ALCAM: variants seen among roughly 807,000 people sequenced by gnomAD.
ALCAM encodes CD166 antigen.
Under a neutral mutation model 70.9 loss-of-function variants are expected in ALCAM, and 30 were observed. The ratio of observed to expected loss-of-function variants is 0.42; its 90% confidence interval spans 0.32 to 0.57. The LOEUF (loss-of-function observed/expected upper bound fraction) is 0.57. ALCAM is among the 20% of genes least tolerant of loss of function. The pLI is 0.11. For missense variants in ALCAM, 591 were observed against 695.1 expected (o/e 0.85, Z 1.68); for synonymous variants, 249 against 242.5 (o/e 1.03, Z -0.25).
At chr3:105,423,968 A>G (rs1284719306) in intron 1 of ALCAM, among the ~76,000 whole-genome samples, 2 of 151,586 alleles carry the variant, frequency 1.3e-5, no homozygotes, top group African/African-American at 4.8e-5. Flanking sequence ...GTATATTTTC[A>G]TTAACATTTC....
chr3:105,374,609 C>T (rs1243568736), intron 1 of ALCAM, among the ~76,000 whole-genome samples: 3 of 152,054 alleles, frequency 2.0e-5, no homozygotes, highest in Admixed American at 6.5e-5. Flanking sequence ...CTCTGCCTCC[C>T]GAGTTCAAGC....
At chr3:105,461,290 T>C (rs28588542) in intron 1 of ALCAM, among the ~76,000 whole-genome samples, 58,287 of 151,554 alleles carry the variant, frequency 0.38, 11,748 homozygotes, top group East Asian at 0.52. Context: ...TTTTGTTCGT[T>C]CAATGTCACA....
At chr3:105,400,576 A>C (rs1464059758) in intron 1 of ALCAM, among the ~76,000 whole-genome samples, 5 of 152,184 alleles carry the variant, frequency 3.3e-5, no homozygotes, top group Non-Finnish European at 7.3e-5. Context: ...AATTTTTAAC[A>C]TTTTTTAGTC....
chr3:105,370,802 G>A (rs1003089686), intron 1 of ALCAM, among the ~76,000 whole-genome samples: 2 of 151,760 alleles, frequency 1.3e-5, no homozygotes, highest in Non-Finnish European at 2.9e-5. Flanking sequence ...AGTAAGAAAG[G>A]ATAGTAGGCC....
intron 1 of ALCAM, among the ~76,000 whole-genome samples, chr3:105,392,209 T>G (rs1935840799): frequency 6.6e-6 from 1 of 151,974 alleles, no homozygotes; most frequent in Non-Finnish European, 1.5e-5. Context: ...TGGTCTTTTT[T>G]TTTGTTTGGT....
intron 6 of ALCAM, among the ~76,000 whole-genome samples, chr3:105,536,594 T>G (rs1939976439): frequency 6.6e-6 from 1 of 152,012 alleles, no homozygotes; most frequent in Non-Finnish European, 1.5e-5. Context: ...AGAAAATGAT[T>G]TTATCATGCT....
intron 15 of ALCAM, among the ~76,000 whole-genome samples, chr3:105,573,273 G>A (rs1940895088): frequency 6.6e-6 from 1 of 152,144 alleles, no homozygotes; most frequent in African/African-American, 2.4e-5. Flanking sequence ...GTTGCAGTGA[G>A]CCAAGATGGT....
chr3:105,572,994 T>G (rs1269876073), intron 15 of ALCAM, among the ~76,000 whole-genome samples: 1 of 152,212 alleles, frequency 6.6e-6, no homozygotes, highest in Non-Finnish European at 1.5e-5. Context: ...TAGATTTGTT[T>G]TAAATAAATG....
intron 1 of ALCAM, among the ~76,000 whole-genome samples, chr3:105,435,508 A>G (rs957605664): frequency 3.9e-5 from 6 of 152,244 alleles, no homozygotes; most frequent in African/African-American, 9.6e-5. Context: ...TTATAGGGCC[A>G]TAAGTAATTG....
rs2152637118 is a variant in ALCAM at position 105,575,388 on chromosome 3, A to G, written c.*937A>G. The G allele has an allele frequency of 6.5e-6, 1 of 152,710 alleles. No individual in the cohort carries two copies. The highest frequency in any genetic ancestry group is 2.4e-5 in the African/African-American group (1 of 41,566). The allele number at this position is 152,710 out of a possible 1,614,324, so 9.5% of individuals were successfully genotyped here. A position where few individuals can be genotyped will look rare whatever the true frequency, so the allele number is the denominator to read the frequency against. ...ATACCTATTTCATGTTTAAAAAGAT[A>G]TCAATCAGAATTGGAGTTTTTAACA... is the stretch of plus-strand genomic sequence containing the variant. On this transcript the variant is annotated 3_prime_UTR_variant, in exon 16 of 16. Coordinates refer to ENST00000306107, the MANE Select transcript of ALCAM (RefSeq NM_001627.4).
intron 1 of ALCAM, among the ~76,000 whole-genome samples, chr3:105,406,704 C>T (rs551938505): frequency 6.7e-5 from 10 of 150,214 alleles, no homozygotes; most frequent in Admixed American, 4.0e-4. Flanking sequence ...CAGAACACAA[C>T]TAAATGAAAT....
chr3:105,440,243 G>A (rs1295894074), intron 1 of ALCAM, among the ~76,000 whole-genome samples: 1 of 152,230 alleles, frequency 6.6e-6, no homozygotes, highest in African/African-American at 2.4e-5. Context: ...GCGAAAGGAA[G>A]TCAAGAGAAC....
At chr3:105,413,570 C>T (rs1160061717) in intron 1 of ALCAM, among the ~76,000 whole-genome samples, 1 of 152,082 alleles carries the variant, frequency 6.6e-6, no homozygotes, top group Non-Finnish European at 1.5e-5. Context: ...GGATAAGTCA[C>T]CTAGCCCATT....
chr3:105,385,123 C>T (rs752017932), intron 1 of ALCAM, among the ~76,000 whole-genome samples: 12 of 151,466 alleles, frequency 7.9e-5, no homozygotes, highest in Admixed American at 2.0e-4. Flanking sequence ...TGTTGTCACC[C>T]AACAAAATAA....
chr3:105,536,979 G>C (rs549382194), intron 6 of ALCAM, among the ~76,000 whole-genome samples: 1 of 152,204 alleles, frequency 6.6e-6, no homozygotes, highest in African/African-American at 2.4e-5. Context: ...TTCCCTGATG[G>C]TGCTAATGCT....
chr3:105,466,392 G>A (rs745598443), intron 1 of ALCAM, among the ~76,000 whole-genome samples: 21 of 151,468 alleles, frequency 1.4e-4, no homozygotes, highest in Non-Finnish European at 3.1e-4. Flanking sequence ...AACATTGTGC[G>A]ATCTTCACAT....
intron 9 of ALCAM, 116 bp from the exon 10 acceptor site, chr3:105,547,033 G>T: frequency 1.2e-6 from 1 of 848,930 alleles, no homozygotes; most frequent in Non-Finnish European, 1.7e-6. Flanking sequence ...TTAAGAAAAA[G>T]AAGTTTGCAT....
chr3:105,444,217 G>T (rs1376052373), intron 1 of ALCAM, among the ~76,000 whole-genome samples: 3 of 152,180 alleles, frequency 2.0e-5, no homozygotes, highest in Non-Finnish European at 4.4e-5. Context: ...CTGCTATAAA[G>T]AAATACCCAA....
At chr3:105,407,738 A>G (rs928849128) in intron 1 of ALCAM, among the ~76,000 whole-genome samples, 2 of 152,188 alleles carry the variant, frequency 1.3e-5, no homozygotes, top group African/African-American at 4.8e-5. Flanking sequence ...GATAAGAGAA[A>G]GAAATAAAGG....
Sources: allele counts gnomAD v4.1 joint callset (sites outside exome capture counted in the v4.1 genomes callset), GRCh38; gene constraint gnomAD v4.1.1; transcripts MANE v1.5; gene names NCBI Gene and HGNC (gene_info 2026-07-23, HGNC 2026-07-21).